EPB41L2: variants seen among roughly 807,000 people sequenced by gnomAD.
EPB41L2 encodes band 4.1-like protein 2.
A neutral mutation model predicts 113.0 loss-of-function variants in EPB41L2; 43 were observed. The observed-to-expected ratio is 0.38, with a 90% confidence interval of 0.30 to 0.49. The LOEUF (loss-of-function observed/expected upper bound fraction) is 0.49, where lower values mean the gene tolerates loss of function less well. EPB41L2 is among the 20% of genes least tolerant of loss of function. EPB41L2 has a pLI of 0.95. For missense variants in EPB41L2, 1,147 were observed against 1,223.4 expected (o/e 0.94, Z 0.93); for synonymous variants, 442 against 436.7 (o/e 1.01, Z -0.15).
intron 1 of EPB41L2, among the ~76,000 whole-genome samples, chr6:130,991,975 G>C (rs55812292): frequency 0.011 from 1,691 of 151,958 alleles, 37 homozygotes; most frequent in African/African-American, 0.036. Context: ...AATCCTAGGA[G>C]AGTGATACTT....
chr6:130,849,830 T>G (rs1171114159), intron 19 of EPB41L2, among the ~76,000 whole-genome samples: 2 of 152,214 alleles, frequency 1.3e-5, no homozygotes, highest in Non-Finnish European at 2.9e-5. Context: ...TTTTAATGTT[T>G]AATAATGTTT....
At chr6:130,885,362 TATAA>T (rs1790603304) in intron 11 of EPB41L2, 94 bp from the exon 12 acceptor site, 1 of 1,168,808 alleles carries the variant, frequency 8.6e-7, no homozygotes, top group Non-Finnish European at 1.3e-6. Flanking sequence ...ACAGGCAGCA[TATAA>T]ATAGTGAACA....
At chr6:131,044,150 T>C (rs754300914) in intron 1 of EPB41L2, among the ~76,000 whole-genome samples, 4 of 151,298 alleles carry the variant, frequency 2.6e-5, no homozygotes, top group Non-Finnish European at 4.4e-5. Context: ...GCCTCCCAAG[T>C]AGCTGGGACC....
intron 3 of EPB41L2, among the ~76,000 whole-genome samples, chr6:130,938,935 A>G (rs1434935314): frequency 6.6e-6 from 1 of 152,168 alleles, no homozygotes; most frequent in Non-Finnish European, 1.5e-5. Flanking sequence ...AGCTTAGAAC[A>G]TTTTTTGTAT....
At chr6:130,983,135 A>C (rs1043265523) in intron 1 of EPB41L2, among the ~76,000 whole-genome samples, 6 of 152,076 alleles carry the variant, frequency 3.9e-5, no homozygotes, top group African/African-American at 1.2e-4. Context: ...AACTGTTTCC[A>C]CTCTAGTACC....
intron 14 of EPB41L2, among the ~76,000 whole-genome samples, chr6:130,877,827 A>C (rs979197454): frequency 5.1e-5 from 5 of 97,712 alleles, no homozygotes; most frequent in Non-Finnish European, 9.9e-5. Flanking sequence ...AAATTGTCCT[A>C]TATAACAATT....
chr6:131,053,511 C>A (rs1797035644), intron 1 of EPB41L2, among the ~76,000 whole-genome samples: 1 of 150,836 alleles, frequency 6.6e-6, no homozygotes, highest in Non-Finnish European at 1.5e-5. Context: ...TGCTTCTAGT[C>A]AGCAAAGGCA....
chr6:130,962,235 C>T (rs529164671), intron 1 of EPB41L2, among the ~76,000 whole-genome samples: 2 of 150,890 alleles, frequency 1.3e-5, no homozygotes, highest in Non-Finnish European at 2.9e-5. Flanking sequence ...CAAATATATT[C>T]ATCATTTAAA....
chr6:130,991,766 T>C (rs1236318460), intron 1 of EPB41L2, among the ~76,000 whole-genome samples: 1 of 152,252 alleles, frequency 6.6e-6, no homozygotes, highest in Admixed American at 6.5e-5. Flanking sequence ...TGAAGATGCA[T>C]ATGTGCTTAA....
chr6:130,876,692 T>TCA, intron 14 of EPB41L2: 1 of 1,303,996 alleles, frequency 7.7e-7, no homozygotes, highest in Non-Finnish European at 1.0e-6. Flanking sequence ...TCTCCTGAGC[T>TCA]TTTTCTTCAA....
intron 1 of EPB41L2, among the ~76,000 whole-genome samples, chr6:130,976,221 C>T (rs1362987283): frequency 1.3e-5 from 2 of 152,120 alleles, no homozygotes; most frequent in African/African-American, 2.4e-5. Context: ...AAATGGTCCA[C>T]ATTTCATAGG....
Position 131,049,074 on chromosome 6 carries a change from C to A in EPB41L2, c.-15+14081G>T, listed in dbSNP as rs116041536. Among the ~76,000 whole-genome samples, 993 of 152,332 alleles carry A rather than the reference C, an allele frequency of 6.5e-3. 19 individuals carry two copies. The highest frequency in any genetic ancestry group is 0.023 in the African/African-American group (958 of 41,564). On this transcript the variant is annotated intron_variant, in intron 1 of 19. Coordinates refer to ENST00000337057, the MANE Select transcript of EPB41L2 (RefSeq NM_001431.4). ...GTAAAATGACCTCAATTGGTAGGAG[C>A]CACATCTGCACCACATATGCAGCCC... is the stretch of plus-strand genomic sequence containing the variant.
In EPB41L2 at chr6:130,975,980, A is replaced by C. The variant is rs561544789; in HGVS notation, c.-14-19481T>G. Among the ~76,000 whole-genome samples, 15 of 152,294 alleles carry C rather than the reference A, an allele frequency of 9.8e-5. No individual in the cohort carries two copies. The East Asian group carries it at 2.7e-3, about 27-fold the overall frequency. ...GAGGTGGAGGTTGCAGTGAACCAAG[A>C]TTGCACCATTGCACTCCAGCCTGGG... On this transcript the variant is annotated intron_variant, in intron 1 of 19. Transcript: ENST00000337057.
intron 7 of EPB41L2, among the ~76,000 whole-genome samples, chr6:130,900,188 AG>A (rs1341234590): frequency 6.6e-6 from 1 of 152,236 alleles, no homozygotes; most frequent in Non-Finnish European, 1.5e-5. Flanking sequence ...TCTATTGAGT[AG>A]AATTTAAGTA....
At chr6:130,912,043 G>A (rs1307536427) in intron 4 of EPB41L2, among the ~76,000 whole-genome samples, 1 of 152,152 alleles carries the variant, frequency 6.6e-6, no homozygotes, top group East Asian at 1.9e-4. Context: ...GATTCTCAGA[G>A]GAGCACAAAC....
chr6:131,047,882 C>T (rs1795765763), intron 1 of EPB41L2, among the ~76,000 whole-genome samples: 1 of 152,076 alleles, frequency 6.6e-6, no homozygotes, highest in African/African-American at 2.4e-5. Context: ...TGGCTCATGC[C>T]TGTAATCCCA....
At chr6:130,895,493 G>A (rs1379838109) in intron 8 of EPB41L2, among the ~76,000 whole-genome samples, 1 of 152,202 alleles carries the variant, frequency 6.6e-6, no homozygotes, top group Non-Finnish European at 1.5e-5. Context: ...GGCTAGTCCA[G>A]CCTCAGGGAC....
intron 1 of EPB41L2, among the ~76,000 whole-genome samples, chr6:131,053,825 C>T (rs76720662): frequency 1.3e-5 from 2 of 152,224 alleles, no homozygotes; most frequent in East Asian, 3.8e-4. Flanking sequence ...CGACCTCCAA[C>T]GTTTCTCCCT....
At chr6:131,061,348 C>G (rs1379808889) in intron 1 of EPB41L2, among the ~76,000 whole-genome samples, 1 of 152,200 alleles carries the variant, frequency 6.6e-6, no homozygotes, top group East Asian at 1.9e-4. Flanking sequence ...ACCACTTGTA[C>G]AGTTCTCCAA....
Sources: gnomAD v4.1 joint callset for allele counts (sites outside exome capture counted in the v4.1 genomes callset) on GRCh38, gnomAD v4.1.1 for gene constraint, MANE v1.5 for transcripts, NCBI Gene and HGNC (gene_info 2026-07-23, HGNC 2026-07-21) for gene names.